Variants in ATP11C observed in about 807,000 individuals in gnomAD.
ATP11C encodes phospholipid-transporting ATPase IG.
In ATP11C, 36 loss-of-function variants were observed where a neutral mutation model predicts 97.4. The observed-to-expected ratio is 0.37, with a 90% confidence interval of 0.28 to 0.49. ATP11C has a LOEUF of 0.49. ATP11C is among the 20% of genes least tolerant of loss of function. The pLI, the probability that ATP11C is intolerant of heterozygous loss-of-function variation, is 0.98. For synonymous variants in ATP11C, 275 were observed against 290.9 expected (o/e 0.95, Z 0.56); for missense variants, 730 against 824.6 (o/e 0.89, Z 1.40).
chrX:139,872,646 AATG>A (rs1271010521), intron 1 of ATP11C, among the ~76,000 whole-genome samples: 1 of 110,815 alleles, frequency 9.0e-6, no homozygotes, highest in Non-Finnish European at 1.9e-5. Context: ...GTTTGCTCAG[AATG>A]ATGGTTTCCA....
At chrX:139,919,713 A>T (rs1401712249) in intron 1 of ATP11C, among the ~76,000 whole-genome samples, 2 of 111,297 alleles carry the variant, frequency 1.8e-5, no homozygotes, top group Non-Finnish European at 3.8e-5. Flanking sequence ...TAAGGCCAAG[A>T]GTTCGAGACA....
At chrX:139,780,616 A>G (rs1403861543) in intron 18 of ATP11C, among the ~76,000 whole-genome samples, 3 of 111,252 alleles carry the variant, frequency 2.7e-5, no homozygotes, top group Non-Finnish European at 5.7e-5. Flanking sequence ...CAATGTGCAA[A>G]AGTTGAATGC....
chrX:139,925,205 A>G lies in ATP11C; in HGVS notation c.27+6811T>C, dbSNP rs77428118. Among the ~76,000 whole-genome samples, 531 of 112,397 alleles carry G rather than the reference A, an allele frequency of 4.7e-3. 5 individuals are homozygous for G. Among genetic ancestry groups the G allele is most frequent in the African/African-American group, 0.016 (493 of 30,950 alleles). Reference sequence around the variant, plus strand: ...AAGAACCACTTGGAATGCTTGTTAAAAACAGTTTCTTGGAGTCTGTCACCC... The same window carrying G: ...AAGAACCACTTGGAATGCTTGTTAAGAACAGTTTCTTGGAGTCTGTCACCC... On this transcript the variant is annotated intron_variant, in intron 1 of 29. Coordinates refer to ENST00000682941, the MANE Select transcript of ATP11C (RefSeq NM_001353812.2).
chrX:139,817,837 A>G (rs2083318439), intron 3 of ATP11C, among the ~76,000 whole-genome samples: 1 of 108,755 alleles, frequency 9.2e-6, no homozygotes, highest in Non-Finnish European at 1.9e-5. Context: ...GTATCGGGTT[A>G]GCATGTCTAG....
chrX:139,781,542 G>A (rs1269457721), intron 18 of ATP11C, among the ~76,000 whole-genome samples: 1 of 111,058 alleles, frequency 9.0e-6, no homozygotes, highest in East Asian at 2.8e-4. Flanking sequence ...GCGAAACCCC[G>A]CCTCTACTAA....
chrX:139,928,444 T>C (rs998115251), intron 1 of ATP11C, among the ~76,000 whole-genome samples: 1 of 111,720 alleles, frequency 9.0e-6, no homozygotes, highest in African/African-American at 3.2e-5. Context: ...TTAATTACTC[T>C]GATAGTTTAA....
At chrX:139,926,116 G>A (rs991494054) in intron 1 of ATP11C, among the ~76,000 whole-genome samples, 1 of 110,522 alleles carries the variant, frequency 9.0e-6, no homozygotes, top group African/African-American at 3.3e-5. Flanking sequence ...CTTATACCAG[G>A]CCAAGAAGGT....
At chrX:139,926,877 TAA>T (rs2085359103) in intron 1 of ATP11C, among the ~76,000 whole-genome samples, 1 of 112,359 alleles carries the variant, frequency 8.9e-6, no homozygotes, top group African/African-American at 3.2e-5. Context: ...CATTTCTAAA[TAA>T]GTTTCCCACC....
intron 18 of ATP11C, among the ~76,000 whole-genome samples, chrX:139,779,889 C>T (rs1285195458): frequency 4.5e-5 from 5 of 111,644 alleles, no homozygotes; most frequent in African/African-American, 1.6e-4. Context: ...ACAACTGATA[C>T]CACAGAAATA....
At chrX:139,857,453 GACTCATTCCGATCACCTGCTCCACCCTA>G (rs1402549775) in intron 1 of ATP11C, among the ~76,000 whole-genome samples, 2 of 111,134 alleles carry the variant, frequency 1.8e-5, no homozygotes, top group Non-Finnish European at 3.8e-5. Flanking sequence ...GCTCCACCCT[GACTCATTCCGATCACCTGCTCCACCCTA>G]ACTCATTCCG....
chrX:139,819,383 A>G lies in ATP11C; in HGVS notation c.192T>C (p.Phe64=). The G allele has an allele frequency of 3.5e-6, 4 of 1,151,091 alleles. No individual in the cohort carries two copies. Among genetic ancestry groups the G allele is most frequent in the South Asian group, 4.2e-5 (2 of 48,111 alleles). The allele number at this position is 1,151,091 out of a possible 1,213,427, so 94.9% of individuals were successfully genotyped here. ...NFLPKNLFEQ[F]RRIANFYFLI... is the part of the protein sequence containing the mutation. ...GAAAATAAAAATTTGCAATTCTTCT[A>G]AACTGTTCAAACAGATTCTTTGGGA... Residue 64 remains phenylalanine, a synonymous_variant, in exon 3 of 30, where the codon TTT becomes TTC. Coordinates refer to ENST00000682941, the MANE Select transcript of ATP11C (RefSeq NM_001353812.2).
chrX:139,865,346 G>A (rs1398147052), intron 1 of ATP11C, among the ~76,000 whole-genome samples: 3 of 112,121 alleles, frequency 2.7e-5, no homozygotes, highest in Non-Finnish European at 1.9e-5. Context: ...GGGCAATGGC[G>A]TGAGATTCTC....
At chrX:139,850,205 A>AG (rs1168231758) in intron 1 of ATP11C, among the ~76,000 whole-genome samples, 2 of 110,862 alleles carry the variant, frequency 1.8e-5, no homozygotes, top group African/African-American at 6.6e-5. Context: ...GATTAGAAAA[A>AG]GCCTAGATTG....
intron 25 of ATP11C, among the ~76,000 whole-genome samples, chrX:139,744,474 C>T (rs908272807): frequency 8.9e-6 from 1 of 111,894 alleles, no homozygotes; most frequent in African/African-American, 3.2e-5. Context: ...CATGCACCAC[C>T]TGGAAAGTTT....
intron 1 of ATP11C, among the ~76,000 whole-genome samples, chrX:139,847,546 T>A (rs866553078): frequency 9.3e-6 from 1 of 107,764 alleles, no homozygotes; most frequent in African/African-American, 3.6e-5. Context: ...ACAAAAAAAA[T>A]CAAAAAATTA....
At chrX:139,804,669 C>A in intron 5 of ATP11C, 70 bp from the exon 6 acceptor site, 1 of 879,201 alleles carries the variant, frequency 1.1e-6, no homozygotes, top group Non-Finnish European at 1.6e-6. Context: ...ATACAAAAGT[C>A]AAAACATTAG....
chrX:139,832,334 T>A, intron 1 of ATP11C: 1 of 1,083,185 alleles, frequency 9.2e-7, no homozygotes, highest in Non-Finnish European at 1.2e-6. Flanking sequence ...CTTGCCTAGT[T>A]CCTGTACTTC....
intron 1 of ATP11C, among the ~76,000 whole-genome samples, chrX:139,891,665 T>G (rs2084732786): frequency 1.8e-5 from 2 of 111,717 alleles, no homozygotes; most frequent in Non-Finnish European, 3.8e-5. Flanking sequence ...GTGCAGACAC[T>G]AAGGAATGAG....
chrX:139,877,009 A>C (rs2084485296), intron 1 of ATP11C, among the ~76,000 whole-genome samples: 1 of 112,410 alleles, frequency 8.9e-6, no homozygotes. Context: ...GACCTGGAAA[A>C]GTGACATGCT....
Sources: allele counts gnomAD v4.1 joint callset (sites outside exome capture counted in the v4.1 genomes callset), GRCh38; gene constraint gnomAD v4.1.1; transcripts MANE v1.5; gene names NCBI Gene and HGNC (gene_info 2026-07-23, HGNC 2026-07-21).